Variants in LPP observed in about 807,000 individuals in gnomAD.
LPP encodes the protein lipoma-preferred partner.
A neutral mutation model predicts 60.4 loss-of-function variants in LPP; 38 were observed. The observed-to-expected ratio is 0.63, with a 90% CI of 0.49 to 0.83. The LOEUF (loss-of-function observed/expected upper bound fraction) is 0.83. Ranked by LOEUF, LPP falls within the 40% of genes least tolerant of loss-of-function variation. The pLI, the probability that LPP is intolerant of heterozygous loss-of-function variation, is 0.00. For synonymous variants in LPP, 328 were observed against 290.8 expected, an observed-to-expected ratio of 1.13 and a Z score of -1.30; for missense variants, 902 against 783.6, an observed-to-expected ratio of 1.15 and a Z score of -1.80.
intron 1 of LPP, among the ~76,000 whole-genome samples, chr3:188,202,502 G>T (rs564819318): frequency 6.6e-6 from 1 of 152,190 alleles, no homozygotes; most frequent in Non-Finnish European, 1.5e-5. Flanking sequence ...AGACTGTGTC[G>T]TCTGCATCAA....
At chr3:188,860,150 A>G (rs1356202710) in intron 9 of LPP, among the ~76,000 whole-genome samples, 1 of 151,976 alleles carries the variant, frequency 6.6e-6, no homozygotes, top group African/African-American at 2.4e-5. Flanking sequence ...CATTAGAACT[A>G]CCAAGGTAAA....
At chr3:188,545,482 A>G (rs1198111356) in intron 6 of LPP, among the ~76,000 whole-genome samples, 1 of 152,016 alleles carries the variant, frequency 6.6e-6, no homozygotes, top group Non-Finnish European at 1.5e-5. Context: ...AAAGCTTAGT[A>G]ATGTCTACCT....
intron 2 of LPP, among the ~76,000 whole-genome samples, chr3:188,338,323 G>A (rs1186010919): frequency 6.6e-6 from 1 of 152,178 alleles, no homozygotes; most frequent in Non-Finnish European, 1.5e-5. Context: ...GGAATGCAGG[G>A]CAGTCCATAT....
At chr3:188,492,328 C>A (rs1183753631) in intron 5 of LPP, among the ~76,000 whole-genome samples, 1 of 152,086 alleles carries the variant, frequency 6.6e-6, no homozygotes, top group East Asian at 1.9e-4. Flanking sequence ...GTGGTTTCTT[C>A]AAAGGTGAAA....
chr3:188,266,699 C>T (rs1302555463), intron 2 of LPP, among the ~76,000 whole-genome samples: 8 of 152,116 alleles, frequency 5.3e-5, no homozygotes, highest in Middle Eastern at 3.4e-3. Context: ...TTTTTAAACC[C>T]GGGTTTATGT....
intron 8 of LPP, chr3:188,746,565 T>TGC: frequency 2.1e-6 from 1 of 486,702 alleles, no homozygotes; most frequent in South Asian, 1.5e-5. Flanking sequence ...CCCTGTGTGG[T>TGC]ATCTCTTGCC....
In LPP at chr3:188,768,843, T is replaced by C. The variant is rs139135543; in HGVS notation, c.1410+8561T>C. Among the ~76,000 whole-genome samples the C allele has an allele frequency of 2.0e-4, 31 of 152,318 alleles. No individual in the cohort carries two copies. In the East Asian group the frequency reaches 5.4e-3, roughly 26 times the overall value. On this transcript the variant is annotated intron_variant, in intron 9 of 11. Transcript: ENST00000617246. ...ATTTTATGCATTTCTTTAAACAATA[T>C]GTAGTGTTGTTAGCACATAGTGTTT...
At chr3:188,462,950 T>C (rs548805839) in intron 4 of LPP, among the ~76,000 whole-genome samples, 2 of 151,964 alleles carry the variant, frequency 1.3e-5, no homozygotes, top group South Asian at 2.1e-4. Context: ...CTACTAAAAA[T>C]ACAAAATTAG....
intron 4 of LPP, among the ~76,000 whole-genome samples, chr3:188,422,791 A>G (rs1372924970): frequency 6.6e-6 from 1 of 152,038 alleles, no homozygotes; most frequent in Non-Finnish European, 1.5e-5. Context: ...CACATCTTTG[A>G]ACTTGAACTA....
At chr3:188,236,508 T>C (rs962187790) in intron 2 of LPP, among the ~76,000 whole-genome samples, 12 of 152,282 alleles carry the variant, frequency 7.9e-5, no homozygotes, top group Admixed American at 5.9e-4. Flanking sequence ...TGGTCATGCA[T>C]GCCAAATAAA....
chr3:188,701,355 A>G (rs1560085817), intron 7 of LPP, among the ~76,000 whole-genome samples: 7 of 152,202 alleles, frequency 4.6e-5, no homozygotes, highest in Non-Finnish European at 2.9e-5. Context: ...GCAAAGAAGA[A>G]CCAGTTTTAG....
At chr3:188,503,684 T>C (rs921621481) in intron 5 of LPP, among the ~76,000 whole-genome samples, 3 of 151,958 alleles carry the variant, frequency 2.0e-5, no homozygotes, top group African/African-American at 7.2e-5. Flanking sequence ...TCTTTCTCAC[T>C]TTTAAAATAA....
chr3:188,554,074 G>C (rs1828872529), intron 6 of LPP: 1 of 152,102 alleles, frequency 6.6e-6, no homozygotes, highest in Admixed American at 6.6e-5. Context: ...CTGTGAGACT[G>C]TATATCAAGA....
At chr3:188,443,949 T>C (rs1794641582) in intron 4 of LPP, among the ~76,000 whole-genome samples, 1 of 152,242 alleles carries the variant, frequency 6.6e-6, no homozygotes, top group Non-Finnish European at 1.5e-5. Flanking sequence ...GGTGTGCCCT[T>C]AATTTTGTTA....
At chr3:188,849,869 A>G (rs1206212054) in intron 9 of LPP, among the ~76,000 whole-genome samples, 1 of 152,204 alleles carries the variant, frequency 6.6e-6, no homozygotes, top group African/African-American at 2.4e-5. Flanking sequence ...GGTTCCCTCC[A>G]ACCTGAAGAC....
chr3:188,413,780 C>T (rs1785465578), intron 4 of LPP, among the ~76,000 whole-genome samples: 1 of 152,146 alleles, frequency 6.6e-6, no homozygotes, highest in South Asian at 2.1e-4. Flanking sequence ...GCAGCCCTGG[C>T]TTGATGGTCA....
At chr3:188,325,274 C>T (rs1758104200) in intron 2 of LPP, among the ~76,000 whole-genome samples, 1 of 152,150 alleles carries the variant, frequency 6.6e-6, no homozygotes, top group East Asian at 1.9e-4. Context: ...AGCCACTGCG[C>T]CTGGCCTCTC....
intron 8 of LPP, chr3:188,710,618 G>A (rs1306682343): frequency 6.6e-6 from 1 of 152,182 alleles, no homozygotes; most frequent in East Asian, 1.9e-4. Flanking sequence ...TCATTGCCAT[G>A]TGAGGAGGGT....
chr3:188,737,320 A>G (rs1577273310), intron 8 of LPP, among the ~76,000 whole-genome samples: 1 of 152,176 alleles, frequency 6.6e-6, no homozygotes, highest in Non-Finnish European at 1.5e-5. Flanking sequence ...CTCTGTCACA[A>G]AGAAACAAGG....
Sources: gnomAD v4.1 joint callset for allele counts (sites outside exome capture counted in the v4.1 genomes callset) on GRCh38, gnomAD v4.1.1 for gene constraint, MANE v1.5 for transcripts, NCBI Gene and HGNC (gene_info 2026-07-23, HGNC 2026-07-21) for gene names.